The following CLDND1 variants were observed in gnomAD, a reference collection of about 807,000 sequenced individuals.
The protein encoded by CLDND1 is claudin domain containing 1.
A neutral mutation model predicts 26.3 loss-of-function variants in CLDND1; 13 were observed. That is an observed-to-expected ratio of 0.49 (90% CI 0.32 to 0.78). CLDND1 has a LOEUF of 0.78. CLDND1 is among the 30% of genes least tolerant of loss of function. The probability of loss-of-function intolerance (pLI) is 0.03; values close to 1 mark genes in which losing one functional copy is unlikely to be tolerated. For synonymous variants in CLDND1, 107 were observed against 107.0 expected (o/e 1.00, Z 0.00); for missense variants, 289 against 312.8 (o/e 0.92, Z 0.57).
chr3:98,517,306 T>A, intron 3 of CLDND1, 117 bp from the exon 4 acceptor site: 1 of 1,187,286 alleles, frequency 8.4e-7, no homozygotes, highest in Non-Finnish European at 1.2e-6. Context: ...GAAAGTATTT[T>A]AACATTGAGG....
At position 98,522,832 on chromosome 3, in the gene CLDND1, A is replaced by C; in HGVS notation, c.-19+17T>G. ...CGACGCGACCCCTGCCCGGCGACGC[A>C]GGTCCCGCTCACTCACCGCCCATCC... On this transcript the variant is annotated intron_variant, in intron 1 of 4. Coordinates refer to ENST00000341181, the MANE Select transcript of CLDND1 (RefSeq NM_001040181.2). The C allele has an allele frequency of 6.2e-7, 1 of 1,613,664 alleles. No homozygotes were observed.
At chr3:98,520,983 A>G in intron 2 of CLDND1, 150 bp downstream of exon 2, 1 of 668,956 alleles carries the variant, frequency 1.5e-6, no homozygotes, top group South Asian at 2.0e-5. Flanking sequence ...AGTTGGGGAG[A>G]GAAGGCAGTA....
Position 98,516,831 on chromosome 3 carries a change from A to G in CLDND1, c.590T>C (p.Leu197Pro). 3 of 1,614,208 alleles carry G rather than the reference A, an allele frequency of 1.9e-6. No homozygotes were observed. Among genetic ancestry groups the G allele is most frequent in the Non-Finnish European group, 2.5e-6 (3 of 1,180,018 alleles). The change falls in exon 5 of 5, where the codon CTA becomes CCA. Residue 197 changes from leucine (L) to proline (P), a missense_variant. Physicochemically the swap from Leu to Pro is moderately conservative, Grantham distance 98. Transcript: ENST00000341181. ...AGGGAGCTCTAGTTTCTGGTGGAGT[A>G]GTTCAATTCCAGCAACATAACAACT... ...SVSCYVAGIE[L>P]LHQKLELPDN... is the part of the protein sequence containing the mutation.
chr3:98,521,589 T>A (rs1706412506), intron 1 of CLDND1, 147 bp from the exon 2 acceptor site: 2 of 1,524,404 alleles, frequency 1.3e-6, no homozygotes, highest in Non-Finnish European at 1.8e-6. Context: ...AAAGCAAGCA[T>A]GTTTTTAATT....
chr3:98,521,549 G>T (rs1180767703), intron 1 of CLDND1, 107 bp from the exon 2 acceptor site: 2 of 1,456,664 alleles, frequency 1.4e-6, no homozygotes, highest in East Asian at 2.3e-5. Context: ...CCATCCCTTC[G>T]TACATATAAC....
Position 98,521,459 on chromosome 3 carries a change from G to C in CLDND1, c.-18-17C>G. The C allele has an allele frequency of 1.9e-6, 3 of 1,600,488 alleles. No individual in the cohort carries two copies. Among genetic ancestry groups the C allele is most frequent in the Non-Finnish European group, 2.6e-6 (3 of 1,172,334 alleles). On this transcript the variant is annotated splice_polypyrimidine_tract_variant and intron_variant, in intron 1 of 4. Transcript: ENST00000341181. ...CAGACTGCTCTGTTTAGAAGTTGAA[G>C]AAAGAAGATAAGTTAGAGTTTACGG...
chr3:98,521,409 C>T lies in CLDND1; in HGVS notation c.16G>A (p.Ala6Thr), dbSNP rs1258494805. Residue 6 changes from alanine to threonine, a missense_variant, in exon 2 of 5, where the codon GCT becomes ACT. By Grantham distance (58) the Ala-to-Thr change is moderately conservative. Coordinates refer to ENST00000341181, the MANE Select transcript of CLDND1 (RefSeq NM_001040181.2). ...ACACAAGCAATTACAAATGCTGTAG[C>T]AAAACGGTTATCCATTCTGGCATTC... MDNRF[A>T]TAFVIACVLS... 1 of 1,613,936 alleles carries T rather than the reference C, an allele frequency of 6.2e-7. No individual in the cohort carries two copies. The highest frequency in any genetic ancestry group is 1.3e-5 in the African/African-American group (1 of 74,908).
Position 98,518,953 on chromosome 3 carries a change from G to T in CLDND1, c.335C>A (p.Thr112Asn), listed in dbSNP as rs547803540. 5.6e-6 allele frequency: 9 copies of T among 1,613,416 alleles called. No homozygotes were observed. In the African/African-American group the frequency reaches 8.0e-5, roughly 14 times the overall value. The change falls in exon 3 of 5, where the codon ACT (threonine) becomes AAT (asparagine). Residue 112 changes from threonine (T) to asparagine (N), a missense_variant. By Grantham distance (65) the Thr-to-Asn change is moderately conservative (BLOSUM62 0). Transcript: ENST00000341181. ...AACAAATTTCTCCATGAACTGCTCA[G>T]TTAGTGTGAAACTCACACATTTTGT... ...VVTKCVSFTL[T>N]EQFMEKFVDP...
In CLDND1 at chr3:98,515,723, G is replaced by A; in HGVS notation, c.*936C>T. On this transcript the variant is annotated 3_prime_UTR_variant, in exon 5 of 5. Coordinates refer to ENST00000341181, the MANE Select transcript of CLDND1 (RefSeq NM_001040181.2). Reference sequence around the variant, plus strand: ...GGAAAGGCACATCATATTACCACAAGAAATAAAGACCATAGTTGGAGGTTA... The same window carrying A: ...GGAAAGGCACATCATATTACCACAAAAAATAAAGACCATAGTTGGAGGTTA... 7.8e-7 allele frequency: 1 copy of A among 1,289,574 alleles called. No individual in the cohort carries two copies. The highest frequency in any genetic ancestry group is 1.0e-6 in the Non-Finnish European group (1 of 988,740). The allele number at this position is 1,289,574 out of a possible 1,614,324, so 79.9% of individuals were successfully genotyped here.
At position 98,516,080 on chromosome 3, in the gene CLDND1, G is replaced by C; in HGVS notation, c.*579C>G. On this transcript the variant is annotated 3_prime_UTR_variant, in exon 5 of 5. Transcript: ENST00000341181. ...CTGTATTTTTCACTTTTTGTAGACA[G>C]ACACAGTGCAGATACAAACAGCTGC... The C allele has an allele frequency of 1.9e-5, 22 of 1,142,758 alleles. No individual in the cohort carries two copies. Among genetic ancestry groups the C allele is most frequent in the Non-Finnish European group, 2.4e-5 (22 of 916,046 alleles). 70.8% of individuals were successfully genotyped at this position (1,142,758 alleles called of 1,614,324 possible).
rs949218047 is a variant in CLDND1 at position 98,517,016 on chromosome 3, A to G, written c.541+36T>C. ...ACTCTTTGGTCCCTAAAGAGACAGG[A>G]AGAAGCTAAAAGGTAAGTATGATGA... On this transcript the variant is annotated intron_variant, in intron 4 of 4. Coordinates refer to ENST00000341181, the MANE Select transcript of CLDND1 (RefSeq NM_001040181.2). 4 of 1,612,382 alleles carry G rather than the reference A, an allele frequency of 2.5e-6. No homozygotes were observed. The African/African-American group carries it at 5.3e-5, about 22-fold the overall frequency.
Position 98,521,243 on chromosome 3 carries a change from T to C in CLDND1, c.182A>G (p.Glu61Gly), listed in dbSNP as rs1197783310. The change falls in exon 2 of 5, where the codon GAA becomes GGA. Residue 61 changes from glutamate to glycine, a missense_variant. Coordinates refer to ENST00000341181, the MANE Select transcript of CLDND1 (RefSeq NM_001040181.2). ...AAAAAGTGCATCATTATAAGTCTTT[T>C]CATCTGCCTCATCACTAATGAATTC... is the stretch of plus-strand genomic sequence containing the variant. ...WDEFISDEAD[E>G]KTYNDALFRY... is the part of the protein sequence containing the mutation. 6.2e-7 allele frequency: 1 copy of C among 1,614,134 alleles called. No individual in the cohort carries two copies. Among genetic ancestry groups the C allele is most frequent in the Non-Finnish European group, 8.5e-7 (1 of 1,180,054 alleles).
At chr3:98,521,534 A>G in intron 1 of CLDND1, 92 bp from the exon 2 acceptor site, 7 of 1,468,238 alleles carry the variant, frequency 4.8e-6, no homozygotes, top group Non-Finnish European at 6.6e-6. Flanking sequence ...CCTTTACCCA[A>G]TTCCCCATCC....
intron 3 of CLDND1, among the ~76,000 whole-genome samples, chr3:98,518,329 C>A (rs1419895647): frequency 6.6e-6 from 1 of 152,156 alleles, no homozygotes; most frequent in African/African-American, 2.4e-5. Flanking sequence ...GTCCCTATAG[C>A]CCTGAAAACT....
intron 2 of CLDND1, among the ~76,000 whole-genome samples, chr3:98,520,272 A>G (rs1706351393): frequency 6.6e-6 from 1 of 152,176 alleles, no homozygotes; most frequent in South Asian, 2.1e-4. Flanking sequence ...CATAAGTCAA[A>G]CTGAACATTT....
chr3:98,518,485 A>T (rs1476785017), intron 3 of CLDND1, among the ~76,000 whole-genome samples: 1 of 152,186 alleles, frequency 6.6e-6, no homozygotes, highest in African/African-American at 2.4e-5. Flanking sequence ...CAGGCCTGAC[A>T]ACTCACTGAC....
At position 98,517,075 on chromosome 3, in the gene CLDND1, G is replaced by A. The variant is rs748541120; in HGVS notation, c.518C>T (p.Thr173Met). Residue 173 changes from threonine to methionine, a missense_variant, in exon 4 of 5, where the codon ACG becomes ATG. Coordinates refer to ENST00000341181, the MANE Select transcript of CLDND1 (RefSeq NM_001040181.2). Reference protein sequence around the residue: ...ICRSLYPTIATGILHLLAGLC... With the variant: ...ICRSLYPTIAMGILHLLAGLC... ...ACCTGCAAGGAGATGGAGAATGCCC[G>A]TGGCAATGGTGGGATATAAGCTTCG... 1.1e-5 allele frequency: 17 copies of A among 1,614,022 alleles called. No individual in the cohort carries two copies. Among genetic ancestry groups the A allele is most frequent in the East Asian group, 2.2e-5 (1 of 44,896 alleles).
At chr3:98,522,596 C>T in intron 1 of CLDND1, 2 of 1,377,260 alleles carry the variant, frequency 1.5e-6, no homozygotes, top group Non-Finnish European at 1.9e-6. Context: ...ACGCCTGCAG[C>T]AGCCACCTCC....
At chr3:98,520,966 G>A in intron 2 of CLDND1, 167 bp downstream of exon 2, 1 of 628,244 alleles carries the variant, frequency 1.6e-6, no homozygotes, top group Non-Finnish European at 2.8e-6. Flanking sequence ...CCATGGTAAT[G>A]CAAAGAAGTT....
Sources: gnomAD v4.1 joint callset for allele counts (sites outside exome capture counted in the v4.1 genomes callset) on GRCh38, gnomAD v4.1.1 for gene constraint, MANE v1.5 for transcripts, NCBI Gene and HGNC (gene_info 2026-07-23, HGNC 2026-07-21) for gene names.